BNC2: variants seen among roughly 807,000 people sequenced by gnomAD.
BNC2 encodes the protein basonuclin zinc finger protein 2.
BNC2 carries 20 observed loss-of-function variants against 76.3 expected under a neutral mutation model. That is an observed-to-expected ratio of 0.26 (90% confidence interval 0.18 to 0.38). The LOEUF (loss-of-function observed/expected upper bound fraction) is 0.38. Ranked by LOEUF, BNC2 falls within the 10% of genes least tolerant of loss-of-function variation. BNC2 has a pLI of 1.00. For synonymous variants in BNC2, 582 were observed against 514.8 expected, an observed-to-expected ratio of 1.13 and a Z score of -1.77; for missense variants, 1,382 against 1,399.8, an observed-to-expected ratio of 0.99 and a Z score of 0.20.
chr9:16,469,992 C>CTTTTTTTTTT (rs201134930), intron 5 of BNC2, among the ~76,000 whole-genome samples: 1 of 114,990 alleles, frequency 8.7e-6, no homozygotes, highest in Non-Finnish European at 1.7e-5. Context: ...TAATGGCATT[C>CTTTTTTTTTT]TTTTTTTTTT....
chr9:16,468,584 C>T (rs959439359), intron 5 of BNC2, among the ~76,000 whole-genome samples: 2 of 151,756 alleles, frequency 1.3e-5, no homozygotes, highest in African/African-American at 2.4e-5. Context: ...TTAGTAGAGA[C>T]GAGGTTTCAC....
chr9:16,599,498 T>C (rs1268644739), intron 3 of BNC2, among the ~76,000 whole-genome samples: 1 of 152,138 alleles, frequency 6.6e-6, no homozygotes, highest in Admixed American at 6.5e-5. Flanking sequence ...AAAAAGCAGT[T>C]TGAGGCCAGG....
chr9:16,438,619 T>C (rs1199158329), intron 5 of BNC2, among the ~76,000 whole-genome samples: 2 of 152,162 alleles, frequency 1.3e-5, no homozygotes, highest in Non-Finnish European at 2.9e-5. Flanking sequence ...TTTCTTCCCA[T>C]TGGGACAGCA....
chr9:16,584,342 G>T (rs540111386), intron 3 of BNC2, among the ~76,000 whole-genome samples: 1 of 152,284 alleles, frequency 6.6e-6, no homozygotes, highest in Admixed American at 6.5e-5. Flanking sequence ...TTTGGATATT[G>T]TTAACATGAC....
At chr9:16,552,268 T>C (rs974721836) in intron 5 of BNC2, among the ~76,000 whole-genome samples, 2 of 152,136 alleles carry the variant, frequency 1.3e-5, no homozygotes, top group African/African-American at 2.4e-5. Flanking sequence ...AAGCCCATGA[T>C]GTAGAGAAAG....
intron 1 of BNC2, among the ~76,000 whole-genome samples, chr9:16,816,031 GTTTA>G (rs147692729): frequency 4.6e-5 from 7 of 152,138 alleles, no homozygotes; most frequent in Non-Finnish European, 7.4e-5. Flanking sequence ...TGCCCCTTGT[GTTTA>G]TTTATTATTT....
chr9:16,435,599 C>G lies in BNC2; in HGVS notation c.2595G>C (p.Val865=). ...VHLKEMHVCT[V]AGCNAAFPSR... ...AGGGGAATGCAGCATTGCAACCAGC[C>G]ACTGTGCAGACGTGCATCTCTTTCA... The change falls in exon 6 of 7, where the codon GTG becomes GTC. Residue 865 remains valine (V), a synonymous_variant. Coordinates refer to ENST00000380672, the MANE Select transcript of BNC2 (RefSeq NM_017637.6). 2.5e-6 allele frequency: 4 copies of G among 1,614,154 alleles called. No homozygotes were observed. Among genetic ancestry groups the G allele is most frequent in the Non-Finnish European group, 3.4e-6 (4 of 1,180,032 alleles).
In BNC2 at chr9:16,716,820, A is replaced by G. The variant is rs1824008704; in HGVS notation, c.330+10977T>C. Among the ~76,000 whole-genome samples the G allele has an allele frequency of 7.9e-5, 12 of 152,358 alleles. No individual in the cohort carries two copies. In the South Asian group the frequency reaches 2.5e-3, roughly 32 times the overall value. On this transcript the variant is annotated intron_variant, in intron 3 of 6. Coordinates refer to ENST00000380672, the MANE Select transcript of BNC2 (RefSeq NM_017637.6). ...TTTAAGGTGTTTCCTTCCGAAAGGA[A>G]GCATTTTTCTTCCATTTTTACCTAA...
intron 1 of BNC2, among the ~76,000 whole-genome samples, chr9:16,866,868 A>G (rs551220356): frequency 1.3e-5 from 2 of 152,186 alleles, no homozygotes; most frequent in East Asian, 1.9e-4. Context: ...CCCATCCAAC[A>G]GGAAAGATTT....
intron 1 of BNC2, among the ~76,000 whole-genome samples, chr9:16,764,620 A>C (rs983723749): frequency 5.9e-5 from 9 of 152,312 alleles, no homozygotes; most frequent in Admixed American, 3.3e-4. Flanking sequence ...AAAATAGAAA[A>C]CATATAATAA....
At chr9:16,434,334 T>A (rs557888775) in intron 6 of BNC2, among the ~76,000 whole-genome samples, 3 of 152,154 alleles carry the variant, frequency 2.0e-5, no homozygotes, top group Admixed American at 6.5e-5. Flanking sequence ...GTACTTTTAA[T>A]GTTACTTTGC....
At chr9:16,858,856 G>GA (rs1440337467) in intron 1 of BNC2, among the ~76,000 whole-genome samples, 1 of 149,574 alleles carries the variant, frequency 6.7e-6, no homozygotes, top group Non-Finnish European at 1.5e-5. Flanking sequence ...AAAAAAAAAA[G>GA]AAAAAAAGAA....
At chr9:16,557,329 C>T (rs1259040159) in intron 4 of BNC2, among the ~76,000 whole-genome samples, 1 of 151,802 alleles carries the variant, frequency 6.6e-6, no homozygotes, top group Admixed American at 6.6e-5. Context: ...GGAAACTCCA[C>T]CTTTACTAAA....
rs190688652 is a variant in BNC2, at chr9:16,670,242, C to A, written c.330+57555G>T. 5.3e-5 allele frequency among the ~76,000 whole-genome samples: 8 copies of A among 152,276 alleles called. No individual in the cohort carries two copies. The East Asian group carries it at 1.2e-3, about 22-fold the overall frequency. ...AAGATTTGGGTCTACTTTTGAACATCTGAAAGAGCCAAATTACCCTGTGGC... is the reference window on the plus strand; with the variant it reads ...AAGATTTGGGTCTACTTTTGAACATATGAAAGAGCCAAATTACCCTGTGGC... On this transcript the variant is annotated intron_variant, in intron 3 of 6. Coordinates refer to ENST00000380672, the MANE Select transcript of BNC2 (RefSeq NM_017637.6).
chr9:16,819,232 G>A (rs114053134), intron 1 of BNC2, among the ~76,000 whole-genome samples: 1 of 152,154 alleles, frequency 6.6e-6, no homozygotes, highest in African/African-American at 2.4e-5. Flanking sequence ...TATTAATTCA[G>A]GTATAAGATT....
intron 4 of BNC2, among the ~76,000 whole-genome samples, chr9:16,575,825 T>C (rs1239047701): frequency 6.6e-6 from 1 of 152,144 alleles, no homozygotes; most frequent in African/African-American, 2.4e-5. Context: ...TCACCAAAAC[T>C]AGGAGGCAGC....
At chr9:16,804,354 G>C (rs1052846079) in intron 1 of BNC2, among the ~76,000 whole-genome samples, 2 of 152,200 alleles carry the variant, frequency 1.3e-5, no homozygotes, top group African/African-American at 4.8e-5. Flanking sequence ...TGAGGGCATT[G>C]AAACACATGG....
intron 3 of BNC2, among the ~76,000 whole-genome samples, chr9:16,718,558 A>G (rs1312338329): frequency 6.6e-6 from 1 of 152,136 alleles, no homozygotes; most frequent in Admixed American, 6.6e-5. Flanking sequence ...TCTCTATCCT[A>G]GCGCAATTCT....
At chr9:16,681,536 T>C (rs534133075) in intron 3 of BNC2, among the ~76,000 whole-genome samples, 1 of 152,188 alleles carries the variant, frequency 6.6e-6, no homozygotes, top group African/African-American at 2.4e-5. Context: ...GCAGGAAACT[T>C]TCTGGCTCTT....
Sources: allele counts gnomAD v4.1 joint callset (sites outside exome capture counted in the v4.1 genomes callset), GRCh38; gene constraint gnomAD v4.1.1; transcripts MANE v1.5; gene names NCBI Gene and HGNC (gene_info 2026-07-23, HGNC 2026-07-21).